Variants in RIPOR2 observed in about 807,000 individuals in gnomAD.
RIPOR2 encodes RHO family interacting cell polarization regulator 2.
In RIPOR2, 39 loss-of-function variants were observed where a neutral mutation model predicts 114.5. The ratio of observed to expected loss-of-function variants is 0.34; its 90% confidence interval spans 0.26 to 0.44. The LOEUF (loss-of-function observed/expected upper bound fraction) is 0.44. Among genes scored for constraint, RIPOR2 ranks in the 20% least tolerant of loss-of-function variants. The pLI, the probability that RIPOR2 is intolerant of heterozygous loss-of-function variation, is 1.00. For synonymous variants in RIPOR2, 445 were observed against 484.4 expected (o/e 0.92, Z 1.07); for missense variants, 1,007 against 1,255.1 (o/e 0.80, Z 2.99).
chr6:24,916,997 T>C (rs919781697), intron 1 of RIPOR2, among the ~76,000 whole-genome samples: 59 of 152,308 alleles, frequency 3.9e-4, no homozygotes, highest in African/African-American at 1.3e-3. Context: ...AAATAAAATA[T>C]TCTCTAAATA....
intron 1 of RIPOR2, among the ~76,000 whole-genome samples, chr6:24,972,662 T>C (rs1773837783): frequency 6.6e-6 from 1 of 152,144 alleles, no homozygotes; most frequent in African/African-American, 2.4e-5. Flanking sequence ...AGATTTAAGC[T>C]CTATATAACA....
intron 1 of RIPOR2, among the ~76,000 whole-genome samples, chr6:24,988,191 T>C (rs536594058): frequency 6.6e-6 from 1 of 152,246 alleles, no homozygotes; most frequent in Non-Finnish European, 1.5e-5. Flanking sequence ...AGCTTCTTTT[T>C]TTTTATTTTA....
At chr6:24,820,451 T>C (rs1759581217) in intron 19 of RIPOR2, among the ~76,000 whole-genome samples, 1 of 152,212 alleles carries the variant, frequency 6.6e-6, no homozygotes, top group African/African-American at 2.4e-5. Flanking sequence ...TCACAAATCA[T>C]CCCCATCATC....
chr6:24,976,492 G>A, intron 1 of RIPOR2: 3 of 1,574,268 alleles, frequency 1.9e-6, no homozygotes, highest in South Asian at 2.2e-5. Flanking sequence ...TTTGAGGTAA[G>A]GGGCCTGGAA....
At chr6:25,003,349 G>T (rs1170834660) in intron 1 of RIPOR2, among the ~76,000 whole-genome samples, 3 of 151,072 alleles carry the variant, frequency 2.0e-5, no homozygotes, top group Admixed American at 1.3e-4. Flanking sequence ...CTTTGAAAGA[G>T]GTCTACATGA....
rs1371878108 is a variant in RIPOR2, at chr6:24,838,850, C to T, written c.2039+241G>A. Reference sequence around the variant, plus strand: ...AAACACTCTCATACAAAATTTTCCTCTCTATTTATAAAGAGGAAATATAAA... The same window carrying T: ...AAACACTCTCATACAAAATTTTCCTTTCTATTTATAAAGAGGAAATATAAA... On this transcript the variant is annotated intron_variant, in intron 14 of 21. Transcript: ENST00000643898. 2.6e-5 allele frequency among the ~76,000 whole-genome samples: 4 copies of T among 152,116 alleles called. No individual in the cohort carries two copies. In the East Asian group the frequency reaches 7.7e-4, roughly 29 times the overall value.
At chr6:24,914,757 C>T (rs1363461548) in intron 1 of RIPOR2, among the ~76,000 whole-genome samples, 1 of 152,172 alleles carries the variant, frequency 6.6e-6, no homozygotes, top group Non-Finnish European at 1.5e-5. Flanking sequence ...ATACACAATT[C>T]ATCAGAAGAA....
At chr6:24,888,527 A>G (rs1156540606) in intron 1 of RIPOR2, among the ~76,000 whole-genome samples, 1 of 152,216 alleles carries the variant, frequency 6.6e-6, no homozygotes, top group Non-Finnish European at 1.5e-5. Flanking sequence ...AGAAAAAGCC[A>G]CTAGGTTCTA....
At chr6:24,911,052 G>C (rs1303851445) in intron 1 of RIPOR2, 20 of 894,302 alleles carry the variant, frequency 2.2e-5, no homozygotes, top group Middle Eastern at 1.1e-3. Flanking sequence ...GCGGGGTGAA[G>C]TTGCGGGGCT....
rs998186899 is a variant in RIPOR2 at position 25,036,197 on chromosome 6, GGGA to G, written c.76+5651_76+5653del. Among the ~76,000 whole-genome samples, 102 of 152,188 alleles carry G rather than the reference GGGA, an allele frequency of 6.7e-4. 2 individuals carry two copies. The highest frequency in any genetic ancestry group is 3.2e-3 in the Admixed American group (49 of 15,284). On this transcript the variant is annotated intron_variant, in intron 1 of 13. Coordinates refer to the RIPOR2 transcript ENST00000510784. ...AAGACAATTAAGTCACATTGACACTGGGAGGAAGTCGCCAGTGGTATCTCTGAG... is the reference window on the plus strand; with the variant it reads ...AAGACAATTAAGTCACATTGACACTGGGAAGTCGCCAGTGGTATCTCTGAG...
intron 1 of RIPOR2, among the ~76,000 whole-genome samples, chr6:25,040,120 CT>C (rs11384967): frequency 1.8e-3 from 261 of 144,726 alleles, no homozygotes; most frequent in Middle Eastern, 0.011. Flanking sequence ...TAGACTTCTA[CT>C]TTTTTTTTTT....
intron 1 of RIPOR2, among the ~76,000 whole-genome samples, chr6:25,040,211 G>A (rs1225427203): frequency 6.6e-6 from 1 of 151,956 alleles, no homozygotes; most frequent in African/African-American, 2.4e-5. Flanking sequence ...CGCCTCTTGG[G>A]TTCAAGCGAT....
chr6:24,979,015 G>C (rs189979372), intron 1 of RIPOR2, among the ~76,000 whole-genome samples: 8 of 152,226 alleles, frequency 5.3e-5, no homozygotes, highest in Admixed American at 3.9e-4. Context: ...CATATTTTTG[G>C]AGAAAGGTTT....
intron 1 of RIPOR2, among the ~76,000 whole-genome samples, chr6:25,000,803 G>T (rs757084601): frequency 2.0e-5 from 3 of 152,006 alleles, no homozygotes; most frequent in Non-Finnish European, 2.9e-5. Flanking sequence ...CAGCATGCTG[G>T]ACCAGCAGCA....
intron 1 of RIPOR2, among the ~76,000 whole-genome samples, chr6:24,995,647 C>T (rs1775012116): frequency 6.6e-6 from 1 of 152,160 alleles, no homozygotes; most frequent in South Asian, 2.1e-4. Flanking sequence ...TACAAGGTAC[C>T]TCTTATATGT....
chr6:24,899,740 A>G (rs1184971987), intron 1 of RIPOR2, among the ~76,000 whole-genome samples: 2 of 152,228 alleles, frequency 1.3e-5, no homozygotes, highest in Non-Finnish European at 2.9e-5. Flanking sequence ...AAGAAAAGGA[A>G]TGATTCCTTT....
At chr6:25,035,183 G>A (rs1777179881) in intron 1 of RIPOR2, among the ~76,000 whole-genome samples, 1 of 152,202 alleles carries the variant, frequency 6.6e-6, no homozygotes, top group Non-Finnish European at 1.5e-5. Context: ...CCAGCCGCCT[G>A]TTGTCTGGGA....
intron 1 of RIPOR2, among the ~76,000 whole-genome samples, chr6:25,018,911 C>T (rs1479988103): frequency 2.0e-5 from 3 of 152,094 alleles, no homozygotes; most frequent in Non-Finnish European, 4.4e-5. Flanking sequence ...TTGTCTCCAT[C>T]CATTGTTTCA....
At chr6:24,954,837 T>C (rs1226645708) in intron 1 of RIPOR2, among the ~76,000 whole-genome samples, 4 of 152,208 alleles carry the variant, frequency 2.6e-5, no homozygotes, top group African/African-American at 9.7e-5. Flanking sequence ...CCAAGAGTCC[T>C]AGCATTGATA....
Sources: allele counts gnomAD v4.1 joint callset (sites outside exome capture counted in the v4.1 genomes callset), GRCh38; gene constraint gnomAD v4.1.1; transcripts MANE v1.5; gene names NCBI Gene and HGNC (gene_info 2026-07-23, HGNC 2026-07-21).